The following AFMID variants were observed in gnomAD, a reference collection of about 807,000 sequenced individuals.
The protein encoded by AFMID is kynurenine formamidase.
AFMID carries 39 observed loss-of-function variants against 47.5 expected under a neutral mutation model. The observed-to-expected ratio is 0.82, with a 90% CI of 0.64 to 1.07. The LOEUF (loss-of-function observed/expected upper bound fraction) is 1.07. AFMID is among the 50% of genes least tolerant of loss of function. AFMID has a pLI of 0.00. For synonymous variants in AFMID, 130 were observed against 153.2 expected (o/e 0.85, Z 1.12); for missense variants, 375 against 387.5 (o/e 0.97, Z 0.27).
At chr17:78,206,819 A>T in intron 10 of AFMID, 92 bp from the exon 11 acceptor site, 3 of 1,454,580 alleles carry the variant, frequency 2.1e-6, no homozygotes, top group Non-Finnish European at 2.9e-6. Flanking sequence ...GACGTGAGCC[A>T]CTGCATCCAG....
chr17:78,207,273 CTTTTTTTTTTTT>C lies in AFMID; in HGVS notation c.*353_*364del, dbSNP rs1163959276. The C allele has an allele frequency of 8.2e-5, 7 of 85,388 alleles. No individual in the cohort carries two copies. In the East Asian group the frequency reaches 1.6e-3, roughly 20 times the overall value. The allele number at this position is 85,388 out of a possible 1,614,324, so 5.3% of individuals were successfully genotyped here. ...ACGCTCAAAAGTAATGCCATTACTTCTTTTTTTTTTTTTTTTTTTTTTTTTTTTGAGATGGAG... is the reference window on the plus strand; with the variant it reads ...ACGCTCAAAAGTAATGCCATTACTTCTTTTTTTTTTTTTTTTGAGATGGAG... On this transcript the variant is annotated 3_prime_UTR_variant, in exon 11 of 11. Transcript: ENST00000409257.
At chr17:78,202,802 T>A (rs1421103541) in intron 4 of AFMID, 51 bp downstream of exon 4, 37 of 1,547,578 alleles carry the variant, frequency 2.4e-5, no homozygotes, top group Non-Finnish European at 3.0e-5. Flanking sequence ...CCACTTTCCC[T>A]GGGGGACTCC....
intron 10 of AFMID, 36 bp downstream of exon 10, chr17:78,206,086 A>G (rs1433261402): frequency 6.3e-7 from 1 of 1,579,756 alleles, no homozygotes; most frequent in Non-Finnish European, 8.7e-7. Context: ...TTCATGGTAG[A>G]CAGCACAGGT....
At chr17:78,206,185 A>G (rs1264146017) in intron 10 of AFMID, 135 bp downstream of exon 10, 1 of 707,208 alleles carries the variant, frequency 1.4e-6, no homozygotes, top group East Asian at 2.8e-5. Flanking sequence ...AAAATACAAA[A>G]CAAATTAGCC....
chr17:78,194,552 G>A (rs1164031892), intron 2 of AFMID, among the ~76,000 whole-genome samples: 2 of 152,184 alleles, frequency 1.3e-5, no homozygotes, highest in East Asian at 1.9e-4. Context: ...AGGCCTGGCC[G>A]CCCTCATCTG....
At chr17:78,200,229 C>A (rs530535704) in intron 2 of AFMID, among the ~76,000 whole-genome samples, 1 of 152,248 alleles carries the variant, frequency 6.6e-6, no homozygotes, top group East Asian at 1.9e-4. Context: ...GATCTCAGCT[C>A]ACTGCAACCT....
chr17:78,189,644 G>A (rs545847262), intron 1 of AFMID, among the ~76,000 whole-genome samples: 68 of 151,292 alleles, frequency 4.5e-4, no homozygotes, highest in Non-Finnish European at 7.4e-4. Flanking sequence ...TTAGCCTCCC[G>A]AATAGCTAGG....
intron 4 of AFMID, 107 bp downstream of exon 4, chr17:78,202,858 T>G: frequency 7.5e-7 from 1 of 1,335,390 alleles, no homozygotes; most frequent in Non-Finnish European, 1.0e-6. Flanking sequence ...TGGGCACTCC[T>G]TGCAGGGCTG....
At position 78,206,928 on chromosome 17, in the gene AFMID, C is replaced by T; in HGVS notation, c.903C>T (p.Ile301=). Residue 301 remains isoleucine (I), a synonymous_variant, in exon 11 of 11, where the codon ATC becomes ATT. Transcript: ENST00000409257. ...TGTTCCAGATTATCTTGAAAACAAT[C>T]TTCCAGTAGTTCTGACGATACTTGG... ...NVLTQIILKT[I]FQ 1 of 1,614,060 alleles carries T rather than the reference C, an allele frequency of 6.2e-7. No homozygotes were observed. Among genetic ancestry groups the T allele is most frequent in the Non-Finnish European group, 8.5e-7 (1 of 1,179,994 alleles).
chr17:78,190,898 C>A, intron 1 of AFMID, 72 bp from the exon 2 acceptor site: 1 of 1,388,344 alleles, frequency 7.2e-7, no homozygotes, highest in Non-Finnish European at 1.0e-6. Flanking sequence ...AGCAGCCGGG[C>A]ATGGGCGAGG....
chr17:78,190,124 G>A (rs553126138), intron 1 of AFMID, among the ~76,000 whole-genome samples: 1 of 151,434 alleles, frequency 6.6e-6, no homozygotes, highest in South Asian at 2.1e-4. Context: ...ACCGCGCCCA[G>A]CCTCTGTTTT....
chr17:78,200,852 G>T lies in AFMID; in HGVS notation c.155-1647G>T, dbSNP rs76024177. ...GCAATATTTATTTTCAGCAAAGCAG[G>T]GAGTTCCTGCAAAGATGACTAGACC... On this transcript the variant is annotated intron_variant, in intron 2 of 10. Transcript: ENST00000409257. Among the ~76,000 whole-genome samples the T allele has an allele frequency of 9.6e-3, 1,459 of 152,244 alleles. 27 individuals are homozygous for T. Among genetic ancestry groups the T allele is most frequent in the African/African-American group, 0.033 (1,390 of 41,538 alleles).
chr17:78,198,479 G>A (rs892826026), intron 2 of AFMID, among the ~76,000 whole-genome samples: 5 of 151,586 alleles, frequency 3.3e-5, no homozygotes, highest in South Asian at 2.1e-4. Context: ...ATGGTGGTGC[G>A]TGCCTGTAAT....
intron 4 of AFMID, chr17:78,203,592 T>A (rs969871093): frequency 2.0e-5 from 3 of 151,634 alleles, no homozygotes; most frequent in African/African-American, 7.3e-5. Flanking sequence ...GAAAAAAAAA[T>A]GAGAGTCCCA....
chr17:78,193,584 C>T (rs529804428), intron 2 of AFMID, among the ~76,000 whole-genome samples: 6 of 150,682 alleles, frequency 4.0e-5, no homozygotes, highest in African/African-American at 1.2e-4. Context: ...CTGTCACACA[C>T]GCCTGTAATC....
intron 10 of AFMID, among the ~76,000 whole-genome samples, chr17:78,206,338 C>CAA (rs60780262): frequency 1.3e-3 from 134 of 103,712 alleles, no homozygotes; most frequent in Non-Finnish European, 1.7e-3. Context: ...GACTCTGTCT[C>CAA]AAAAAAAAAA....
chr17:78,205,130 C>T lies in AFMID; in HGVS notation c.505C>T (p.Leu169=). The T allele has an allele frequency of 1.2e-6, 2 of 1,612,954 alleles. No individual in the cohort carries two copies. Among genetic ancestry groups the T allele is most frequent in the South Asian group, 1.1e-5 (1 of 90,770 alleles). ...YLCGHSAGAH[L]AAMMLLADWT... is the part of the protein sequence containing the mutation. ...GTGTGGACACTCAGCCGGGGCCCAC[C>T]TGGCTGCCATGATGCTCCTGGCCGA... The change falls in exon 7 of 11, where the codon CTG becomes TTG. Residue 169 remains leucine (L), a synonymous_variant. Transcript: ENST00000409257.
chr17:78,200,543 CCTG>C (rs2076220169), intron 2 of AFMID, among the ~76,000 whole-genome samples: 1 of 152,130 alleles, frequency 6.6e-6, no homozygotes, highest in Non-Finnish European at 1.5e-5. Flanking sequence ...TGACTGCTAT[CCTG>C]CTAAGAGACA....
intron 2 of AFMID, among the ~76,000 whole-genome samples, chr17:78,198,574 G>C (rs1312209192): frequency 6.6e-6 from 1 of 151,730 alleles, no homozygotes; most frequent in African/African-American, 2.4e-5. Flanking sequence ...AGGAAACAGA[G>C]GTTGGAGTGA....
Sources: allele counts gnomAD v4.1 joint callset (sites outside exome capture counted in the v4.1 genomes callset), GRCh38; gene constraint gnomAD v4.1.1; transcripts MANE v1.5; gene names NCBI Gene and HGNC (gene_info 2026-07-23, HGNC 2026-07-21).